Variants in PDE3A observed in about 807,000 individuals in gnomAD.
PDE3A encodes the protein phosphodiesterase 3A, also known as cGMP-inhibited 3',5'-cyclic phosphodiesterase 3A.
In PDE3A, 43 loss-of-function variants were observed where a neutral mutation model predicts 98.3. That is an observed-to-expected ratio of 0.44 (90% confidence interval 0.34 to 0.56). The LOEUF (loss-of-function observed/expected upper bound fraction) is 0.56. Among genes scored for constraint, PDE3A ranks in the 20% least tolerant of loss-of-function variants. The probability of loss-of-function intolerance (pLI) is 0.01; values close to 1 mark genes in which losing one functional copy is unlikely to be tolerated. For synonymous variants in PDE3A, 663 were observed against 567.9 expected, an observed-to-expected ratio of 1.17 and a Z score of -2.38; for missense variants, 1,427 against 1,440.7, an observed-to-expected ratio of 0.99 and a Z score of 0.15.
chr12:20,651,615 A>G (rs1944917985), intron 14 of PDE3A, among the ~76,000 whole-genome samples: 1 of 152,216 alleles, frequency 6.6e-6, no homozygotes, highest in Non-Finnish European at 1.5e-5. Flanking sequence ...GGTCAATGTC[A>G]GAAAGAAATT....
intron 1 of PDE3A, among the ~76,000 whole-genome samples, chr12:20,386,005 T>TAAATATATATAAAATATATATA (rs1487460876): frequency 9.8e-6 from 1 of 101,824 alleles, no homozygotes; most frequent in Non-Finnish European, 1.8e-5. Context: ...AATATATATA[T>TAAATATATATAAAATATATATA]AAATATATAT....
intron 1 of PDE3A, among the ~76,000 whole-genome samples, chr12:20,412,337 T>G (rs986264783): frequency 1.3e-5 from 2 of 152,236 alleles, no homozygotes; most frequent in African/African-American, 4.8e-5. Context: ...ACCTCATTGT[T>G]GTTTCTAAAT....
intron 14 of PDE3A, among the ~76,000 whole-genome samples, chr12:20,653,076 T>A (rs957416181): frequency 6.6e-6 from 1 of 152,220 alleles, no homozygotes; most frequent in Non-Finnish European, 1.5e-5. Flanking sequence ...TTTTGGGATA[T>A]TTCCTTTATT....
At chr12:20,566,800 T>TTTTG (rs1038785369) in intron 2 of PDE3A, among the ~76,000 whole-genome samples, 2 of 151,908 alleles carry the variant, frequency 1.3e-5, no homozygotes, top group African/African-American at 2.4e-5. Context: ...TGAATTTTTT[T>TTTTG]TTTGTTTGTT....
chr12:20,603,842 T>C (rs1187689993), intron 2 of PDE3A, among the ~76,000 whole-genome samples: 1 of 152,196 alleles, frequency 6.6e-6, no homozygotes, highest in Non-Finnish European at 1.5e-5. Flanking sequence ...TCGATATTAC[T>C]ATTAATCCCT....
intron 1 of PDE3A, among the ~76,000 whole-genome samples, chr12:20,537,990 C>T (rs1418405712): frequency 2.0e-5 from 3 of 152,070 alleles, no homozygotes; most frequent in African/African-American, 7.2e-5. Flanking sequence ...GTGTTATATA[C>T]ATGGTATGAA....
chr12:20,610,320 G>GTTATTTTTCCCCTATTGTGTTAT (rs1943817743), intron 2 of PDE3A, among the ~76,000 whole-genome samples: 1 of 151,892 alleles, frequency 6.6e-6, no homozygotes, highest in Non-Finnish European at 1.5e-5. Context: ...TAAGCATCAG[G>GTTATTTTTCCCCTATTGTGTTAT]AAATGGAAAT....
At chr12:20,373,677 C>G (rs1943520304) in intron 1 of PDE3A, among the ~76,000 whole-genome samples, 1 of 152,036 alleles carries the variant, frequency 6.6e-6, no homozygotes, top group Non-Finnish European at 1.5e-5. Flanking sequence ...AATACAAAGG[C>G]ATATGACTGT....
intron 2 of PDE3A, among the ~76,000 whole-genome samples, chr12:20,558,204 C>CA (rs148362338): frequency 0.17 from 22,296 of 128,624 alleles, 1,703 homozygotes; most frequent in Middle Eastern, 0.25. Context: ...TATAAATTGA[C>CA]AAAAAAAAAA....
In PDE3A at chr12:20,552,150, G is replaced by T; in HGVS notation, c.961-4510G>T. The T allele has an allele frequency of 6.2e-7, 1 of 1,613,696 alleles. No homozygotes were observed. The highest frequency in any genetic ancestry group is 8.5e-7 in the Non-Finnish European group (1 of 1,179,894). On this transcript the variant is annotated intron_variant, in intron 1 of 15. Transcript: ENST00000359062. This position sits in a 1 kb window ranked among gnomAD's most constrained non-coding sequence, Gnocchi z 5.1. ...AGAAACTCACCAACACCAACAGGGC[G>T]CTGGCTCTCAACTGCTTTGCTCCCA...
intron 1 of PDE3A, among the ~76,000 whole-genome samples, chr12:20,540,603 C>T (rs959734600): frequency 5.3e-5 from 8 of 151,976 alleles, no homozygotes; most frequent in African/African-American, 1.4e-4. Flanking sequence ...TGTAAAGTGA[C>T]GATAGCTTTC....
chr12:20,483,119 G>A (rs557759747), intron 1 of PDE3A, among the ~76,000 whole-genome samples: 4 of 152,150 alleles, frequency 2.6e-5, no homozygotes, highest in Non-Finnish European at 5.9e-5. Context: ...GGCCTTACGC[G>A]GTAGCTCACT....
In PDE3A at chr12:20,639,967, T is replaced by C. The variant is rs749422238; in HGVS notation, c.2251+10T>C. The stretch of plus-strand genomic sequence containing the variant: ...TATAGGGATATTCCTTGTAAGTATA[T>C]GTGATTTGTGAAATAATACTTTTAA... On this transcript the variant is annotated intron_variant, in intron 10 of 15. Transcript: ENST00000359062. 2.7e-6 allele frequency: 3 copies of C among 1,126,952 alleles called. No homozygotes were observed. The highest frequency in any genetic ancestry group is 2.4e-5 in the East Asian group (1 of 42,408). 69.8% of individuals were successfully genotyped at this position (1,126,952 alleles called of 1,614,324 possible).
intron 1 of PDE3A, among the ~76,000 whole-genome samples, chr12:20,472,398 C>T (rs1395552378): frequency 1.3e-5 from 2 of 152,132 alleles, no homozygotes; most frequent in Admixed American, 6.5e-5. Context: ...CCTACAACAT[C>T]GGCTCCTCCT....
chr12:20,510,827 G>C (rs1946208267), intron 1 of PDE3A, among the ~76,000 whole-genome samples: 1 of 152,030 alleles, frequency 6.6e-6, no homozygotes, highest in Admixed American at 6.6e-5. Flanking sequence ...TTCTCTGAGA[G>C]TGAAGAGGAA....
At chr12:20,391,079 A>C (rs987849985) in intron 1 of PDE3A, among the ~76,000 whole-genome samples, 4 of 151,850 alleles carry the variant, frequency 2.6e-5, no homozygotes, top group South Asian at 2.1e-4. Context: ...TCACACTTAA[A>C]AAGTACATGG....
chr12:20,402,678 C>T (rs1302485879), intron 1 of PDE3A, among the ~76,000 whole-genome samples: 1 of 152,070 alleles, frequency 6.6e-6, no homozygotes, highest in Non-Finnish European at 1.5e-5. Flanking sequence ...AAATTTTGAG[C>T]AAATAATTTA....
intron 1 of PDE3A, among the ~76,000 whole-genome samples, chr12:20,374,045 A>G (rs748835316): frequency 6.6e-6 from 1 of 152,158 alleles, no homozygotes; most frequent in Non-Finnish European, 1.5e-5. Flanking sequence ...TGTAGCTTCT[A>G]CATTTCAGTA....
At chr12:20,565,974 G>A (rs1354772752) in intron 2 of PDE3A, among the ~76,000 whole-genome samples, 1 of 151,884 alleles carries the variant, frequency 6.6e-6, no homozygotes, top group East Asian at 1.9e-4. Context: ...GAGAACAAAG[G>A]TGGTTTAGCA....
Sources: allele counts gnomAD v4.1 joint callset (sites outside exome capture counted in the v4.1 genomes callset), GRCh38; gene constraint gnomAD v4.1.1; non-coding constraint Gnocchi (gnomAD v3.1); transcripts MANE v1.5; gene names NCBI Gene and HGNC (gene_info 2026-07-23, HGNC 2026-07-21).